Variants in ZBTB16 observed in about 807,000 individuals in gnomAD.
ZBTB16 encodes the protein zinc finger and BTB domain containing 16.
ZBTB16 carries 8 observed loss-of-function variants against 56.8 expected under a neutral mutation model. The ratio of observed to expected loss-of-function variants is 0.14; its 90% CI spans 0.08 to 0.25. ZBTB16 has a LOEUF of 0.25. Among genes scored for constraint, ZBTB16 ranks in the 10% least tolerant of loss-of-function variants. The pLI, the probability that ZBTB16 is intolerant of heterozygous loss-of-function variation, is 1.00. For synonymous variants in ZBTB16, 363 were observed against 368.5 expected (o/e 0.98, Z 0.17); for missense variants, 625 against 903.0 (o/e 0.69, Z 3.95).
intron 2 of ZBTB16, among the ~76,000 whole-genome samples, chr11:114,102,706 T>C (rs1304628102): frequency 6.6e-6 from 1 of 152,194 alleles, no homozygotes; most frequent in Non-Finnish European, 1.5e-5. Context: ...AGGTGTGGTT[T>C]AATAAGAGCT....
intron 2 of ZBTB16, among the ~76,000 whole-genome samples, chr11:114,113,613 C>G (rs557279254): frequency 6.6e-6 from 1 of 152,312 alleles, no homozygotes; most frequent in South Asian, 2.1e-4. Context: ...AAGTAAAGAT[C>G]TTTGCCCTTC....
intron 2 of ZBTB16, among the ~76,000 whole-genome samples, chr11:114,081,775 A>G (rs1672716): frequency 0.22 from 33,008 of 152,136 alleles, 4,134 homozygotes; most frequent in African/African-American, 0.33. Context: ...GGTCAGGGCC[A>G]GGGGAGAAAA....
chr11:114,126,585 G>C (rs780576504), intron 2 of ZBTB16, among the ~76,000 whole-genome samples: 29 of 152,310 alleles, frequency 1.9e-4, no homozygotes, highest in Admixed American at 7.2e-4. Flanking sequence ...CCCTGGCATT[G>C]TCTTCATCAA....
At chr11:114,091,395 C>T (rs1306585558) in intron 2 of ZBTB16, among the ~76,000 whole-genome samples, 1 of 151,848 alleles carries the variant, frequency 6.6e-6, no homozygotes, top group African/African-American at 2.4e-5. Flanking sequence ...CTGTCTTTCC[C>T]TTCCTCTCCT....
chr11:114,193,976 C>T (rs1024305422), intron 4 of ZBTB16, among the ~76,000 whole-genome samples: 4 of 152,212 alleles, frequency 2.6e-5, no homozygotes, highest in African/African-American at 9.7e-5. Context: ...TCTACTACTC[C>T]CTGGCTGCCT....
At chr11:114,085,090 T>C (rs1477013495) in intron 2 of ZBTB16, among the ~76,000 whole-genome samples, 1 of 152,206 alleles carries the variant, frequency 6.6e-6, no homozygotes, top group Non-Finnish European at 1.5e-5. Flanking sequence ...TGACGATACC[T>C]CTGATAAGTT....
intron 3 of ZBTB16, among the ~76,000 whole-genome samples, chr11:114,185,760 T>TTG (rs1231353466): frequency 6.6e-6 from 1 of 152,124 alleles, no homozygotes; most frequent in Non-Finnish European, 1.5e-5. Flanking sequence ...ATGCCAAGAC[T>TTG]TGTGACAGCT....
intron 2 of ZBTB16, among the ~76,000 whole-genome samples, chr11:114,079,624 C>G (rs1467727408): frequency 6.6e-6 from 1 of 152,132 alleles, no homozygotes; most frequent in African/African-American, 2.4e-5. Context: ...TTTGCTTTGC[C>G]TTTTGGGAGG....
intron 5 of ZBTB16, among the ~76,000 whole-genome samples, chr11:114,243,683 C>T (rs1944758652): frequency 6.6e-6 from 1 of 152,196 alleles, no homozygotes; most frequent in African/African-American, 2.4e-5. Flanking sequence ...CAGCTATATG[C>T]ACCTTCCTAT....
intron 2 of ZBTB16, among the ~76,000 whole-genome samples, chr11:114,148,185 G>A (rs1285877418): frequency 2.6e-5 from 4 of 152,090 alleles, no homozygotes; most frequent in Non-Finnish European, 4.4e-5. Context: ...TTATCTGCAA[G>A]TGCTGTATTC....
chr11:114,235,683 T>C (rs1418870769), intron 4 of ZBTB16, among the ~76,000 whole-genome samples: 1 of 22,000 alleles, frequency 4.5e-5, no homozygotes, highest in Non-Finnish European at 1.1e-4. Context: ...TCTTTCTTTC[T>C]TTCTTTCTTT....
Position 114,205,345 on chromosome 11 carries a change from G to A in ZBTB16, c.1453+18307G>A, listed in dbSNP as rs530986625. 1.6e-4 allele frequency among the ~76,000 whole-genome samples: 25 copies of A among 151,868 alleles called. No individual in the cohort carries two copies. The South Asian group carries it at 5.2e-3, about 32-fold the overall frequency. On this transcript the variant is annotated intron_variant, in intron 4 of 6. Transcript: ENST00000335953. The stretch of plus-strand genomic sequence containing the variant: ...GAATGACGTGAACCCGGGAGGTGGA[G>A]CTTGCAGTGAGCCGAGATCGCGCCA...
intron 4 of ZBTB16, among the ~76,000 whole-genome samples, chr11:114,196,259 T>C (rs1943606032): frequency 6.6e-6 from 1 of 152,180 alleles, no homozygotes; most frequent in African/African-American, 2.4e-5. Flanking sequence ...ACTGGTGCCC[T>C]CAAAGGCTCA....
intron 4 of ZBTB16, among the ~76,000 whole-genome samples, chr11:114,231,278 A>C (rs1006120542): frequency 3.3e-5 from 5 of 152,092 alleles, no homozygotes; most frequent in African/African-American, 1.2e-4. Flanking sequence ...TGCTCTTGTA[A>C]TGAAACTGCT....
chr11:114,075,245 G>A, intron 2 of ZBTB16, among the ~76,000 whole-genome samples: 1 of 152,160 alleles, frequency 6.6e-6, no homozygotes, highest in South Asian at 2.1e-4. Context: ...CTTAGAGGCT[G>A]TGTGACCGTG....
In ZBTB16 at chr11:114,224,310, G is replaced by T. The variant is rs73567943; in HGVS notation, c.1454-17857G>T. Among the ~76,000 whole-genome samples, 260 of 152,364 alleles carry T rather than the reference G, an allele frequency of 1.7e-3. 4 individuals are homozygous for T. Among genetic ancestry groups the T allele is most frequent in the African/African-American group, 5.2e-3 (218 of 41,586 alleles). ...ATTTGGTAATTGATCTCTTTCGAGAGGTGAGAGAGGAATCTAGGATAATGC... is the reference window on the plus strand; with the variant it reads ...ATTTGGTAATTGATCTCTTTCGAGATGTGAGAGAGGAATCTAGGATAATGC... On this transcript the variant is annotated intron_variant, in intron 4 of 6. Coordinates refer to ENST00000335953, the MANE Select transcript of ZBTB16 (RefSeq NM_006006.6).
intron 3 of ZBTB16, among the ~76,000 whole-genome samples, chr11:114,183,083 G>A (rs73566999): frequency 6.6e-6 from 1 of 150,858 alleles, no homozygotes; most frequent in East Asian, 1.9e-4. Context: ...GCCTGTCTTT[G>A]CTCTCACCCT....
At chr11:114,215,902 C>G (rs1184715050) in intron 4 of ZBTB16, among the ~76,000 whole-genome samples, 1 of 152,096 alleles carries the variant, frequency 6.6e-6, no homozygotes, top group Non-Finnish European at 1.5e-5. Flanking sequence ...GGGGCAGGAG[C>G]CTGGACTCAC....
At chr11:114,200,885 T>C (rs145902761) in intron 4 of ZBTB16, among the ~76,000 whole-genome samples, 3 of 152,310 alleles carry the variant, frequency 2.0e-5, no homozygotes, top group African/African-American at 7.2e-5. Context: ...AAAACCAATG[T>C]GTAACTGAAA....
Sources: allele counts gnomAD v4.1 joint callset (sites outside exome capture counted in the v4.1 genomes callset), GRCh38; gene constraint gnomAD v4.1.1; transcripts MANE v1.5; gene names NCBI Gene and HGNC (gene_info 2026-07-23, HGNC 2026-07-21).